Variants in KIAA1671 observed in about 807,000 individuals in gnomAD.
KIAA1671 encodes uncharacterized protein KIAA1671.
A neutral mutation model predicts 131.2 loss-of-function variants in KIAA1671; 52 were observed. That is an observed-to-expected ratio of 0.40 (90% CI 0.32 to 0.50). KIAA1671 has a LOEUF of 0.50. Ranked by LOEUF, KIAA1671 falls within the 20% of genes least tolerant of loss-of-function variation. The probability of loss-of-function intolerance (pLI) is 0.73; values close to 1 mark genes in which losing one functional copy is unlikely to be tolerated. For synonymous variants in KIAA1671, 1,003 were observed against 961.6 expected (o/e 1.04, Z -0.80); for missense variants, 2,360 against 2,364.2 (o/e 1.00, Z 0.04).
At chr22:25,026,436 AAG>A (rs1368954591) in intron 2 of KIAA1671, among the ~76,000 whole-genome samples, 1 of 152,146 alleles carries the variant, frequency 6.6e-6, no homozygotes, top group Non-Finnish European at 1.5e-5. Context: ...AATTTTTAAA[AAG>A]ACAGAGCTGA....
In KIAA1671 at chr22:25,028,198, G is replaced by A; in HGVS notation, c.199G>A (p.Ala67Thr). 1 of 1,549,800 alleles carries A rather than the reference G, an allele frequency of 6.5e-7. No individual in the cohort carries two copies. ...CCGGTTACTCCCTCTGCCAAGGCTCGCCCCCAAACCCTTCTCGAAGGAGCA... is the reference window on the plus strand; with the variant it reads ...CCGGTTACTCCCTCTGCCAAGGCTCACCCCCAAACCCTTCTCGAAGGAGCA... The part of the protein sequence containing the change: ...PARLLPLPRL[A>T]PKPFSKEQDV... The change falls in exon 3 of 13, where the codon GCC becomes ACC. Residue 67 changes from alanine (A) to threonine (T), a missense_variant. Transcript: ENST00000358431.
chr22:25,133,373 C>T (rs1403815917), intron 6 of KIAA1671, among the ~76,000 whole-genome samples: 1 of 152,202 alleles, frequency 6.6e-6, no homozygotes, highest in East Asian at 1.9e-4. Context: ...CATGTGTTGA[C>T]CACAGAATTC....
intron 11 of KIAA1671, 96 bp downstream of exon 11, chr22:25,185,215 G>A: frequency 7.9e-7 from 1 of 1,271,216 alleles, no homozygotes; most frequent in African/African-American, 1.5e-5. Flanking sequence ...GAATAGAAGA[G>A]AGTTACAACT....
At position 24,994,521 on chromosome 22, in the gene KIAA1671, G is replaced by T. The variant is rs530067497; in HGVS notation, c.-207-31112G>T. Reference sequence around the variant, plus strand: ...ATCCACTAGTGCTGAGAGGATTTGGGTGGAGTCCAACAGTGTTTGGTATGA... The same window carrying T: ...ATCCACTAGTGCTGAGAGGATTTGGTTGGAGTCCAACAGTGTTTGGTATGA... On this transcript the variant is annotated intron_variant, in intron 1 of 12. Coordinates refer to ENST00000358431, the MANE Select transcript of KIAA1671 (RefSeq NM_001145206.2). 3.3e-5 allele frequency among the ~76,000 whole-genome samples: 5 copies of T among 152,316 alleles called. No homozygotes were observed. In the East Asian group the frequency reaches 9.6e-4, roughly 29 times the overall value.
intron 1 of KIAA1671, among the ~76,000 whole-genome samples, chr22:24,985,575 A>G (rs12330060): frequency 0.077 from 11,755 of 152,062 alleles, 1,542 homozygotes; most frequent in African/African-American, 0.27. Flanking sequence ...TCCTGAGCTC[A>G]TTATCCGCCC....
chr22:25,039,821 C>G lies in KIAA1671; in HGVS notation c.2691C>G (p.Ser897=). 6.5e-7 allele frequency: 1 copy of G among 1,533,844 alleles called. No homozygotes were observed. Residue 897 remains serine, a synonymous_variant, in exon 5 of 13, where the codon TCC becomes TCG. Transcript: ENST00000358431. Reference sequence around the variant, plus strand: ...GGGCTACGAATGGGCCTTCTGACTCCCAAGCACGAACACATCCAGATGCAT... The same window carrying G: ...GGGCTACGAATGGGCCTTCTGACTCGCAAGCACGAACACATCCAGATGCAT... ...LSRATNGPSD[S]QARTHPDAFA...
In KIAA1671 at chr22:25,029,061, G is replaced by T. The variant is rs1926120873; in HGVS notation, c.1062G>T (p.Arg354=). The T allele has an allele frequency of 1.8e-5, 27 of 1,504,628 alleles. No homozygotes were observed. The South Asian group carries it at 3.6e-4, about 20-fold the overall frequency. 93.2% of individuals were successfully genotyped at this position (1,504,628 alleles called of 1,614,324 possible). A position where few individuals can be genotyped will look rare whatever the true frequency, so the allele number is the denominator to read the frequency against. ...FLEVAKKIRE[R]KEKMLSKPEM... The stretch of plus-strand genomic sequence containing the variant: ...AGGTGGCCAAGAAAATCCGTGAACG[G>T]AAGGAGAAGATGCTTTCGAAGCCGG... Residue 354 remains arginine, a synonymous_variant, in exon 3 of 13, where the codon CGG becomes CGT. Coordinates refer to ENST00000358431, the MANE Select transcript of KIAA1671 (RefSeq NM_001145206.2).
Position 25,028,065 on chromosome 22 carries a change from G to A in KIAA1671, c.66G>A (p.Met22Ile), listed in dbSNP as rs1926049017. ...CGGCCGTGCCAGGCCTGGGTGAGATGGGCAAGGAGGAGACCCTGACGAGGA... is the reference window on the plus strand; with the variant it reads ...CGGCCGTGCCAGGCCTGGGTGAGATAGGCAAGGAGGAGACCCTGACGAGGA... ...PLTAVPGLGEMGKEETLTRTY... is the reference protein window; with the variant it reads ...PLTAVPGLGEIGKEETLTRTY... The change falls in exon 3 of 13, where the codon ATG becomes ATA. Residue 22 changes from methionine (M) to isoleucine (I), a missense_variant. Physicochemically the swap from Met to Ile is conservative, Grantham distance 10. This residue lies in a region of KIAA1671 where 1,185 missense variants were observed against 1,126.2 expected (regional missense o/e 1.05). Transcript: ENST00000358431. 2.6e-6 allele frequency: 4 copies of A among 1,548,684 alleles called. No individual in the cohort carries two copies. The Admixed American group carries it at 5.9e-5, about 23-fold the overall frequency.
chr22:25,172,147 G>GA (rs1359813021), intron 7 of KIAA1671, among the ~76,000 whole-genome samples: 11 of 152,140 alleles, frequency 7.2e-5, no homozygotes, highest in African/African-American at 2.7e-4. Flanking sequence ...AAGAGCACTG[G>GA]ACTGAGAGTC....
intron 6 of KIAA1671, among the ~76,000 whole-genome samples, chr22:25,097,143 C>T (rs933408569): frequency 7.2e-5 from 11 of 152,174 alleles, no homozygotes; most frequent in African/African-American, 1.4e-4. Flanking sequence ...ACAAGTGAGA[C>T]GGCCTTATCA....
At chr22:25,151,421 C>G (rs1185713374) in intron 6 of KIAA1671, among the ~76,000 whole-genome samples, 1 of 143,078 alleles carries the variant, frequency 7.0e-6, no homozygotes, top group Non-Finnish European at 1.5e-5. Flanking sequence ...ACAACATCAA[C>G]ATGAACTCTT....
intron 1 of KIAA1671, among the ~76,000 whole-genome samples, chr22:25,018,779 A>T (rs1925486105): frequency 6.6e-6 from 1 of 152,118 alleles, no homozygotes; most frequent in South Asian, 2.1e-4. Context: ...TTGTATAAGG[A>T]TAGATTATAT....
intron 6 of KIAA1671, among the ~76,000 whole-genome samples, chr22:25,170,198 C>T (rs1487315541): frequency 1.3e-5 from 2 of 152,150 alleles, no homozygotes; most frequent in Non-Finnish European, 2.9e-5. Context: ...CAAGAGTGAG[C>T]CACCATGCCC....
rs531803553 is a variant in KIAA1671, at chr22:25,141,365, T to C, written c.4531-29455T>C. The stretch of plus-strand genomic sequence containing the variant: ...CTCCTGCCTCAGCCTCCTGAGTAGC[T>C]GGGACTACAGGCGCCTGCCACCACA... On this transcript the variant is annotated intron_variant, in intron 6 of 12. Coordinates refer to ENST00000358431, the MANE Select transcript of KIAA1671 (RefSeq NM_001145206.2). 7.2e-5 allele frequency among the ~76,000 whole-genome samples: 11 copies of C among 151,956 alleles called. No homozygotes were observed. The East Asian group carries it at 2.1e-3, about 30-fold the overall frequency.
Position 25,108,082 on chromosome 22 carries a change from T to G in KIAA1671, c.4530+58718T>G, listed in dbSNP as rs955750706. 3.3e-5 allele frequency among the ~76,000 whole-genome samples: 5 copies of G among 152,216 alleles called. No homozygotes were observed. The East Asian group carries it at 5.8e-4, about 18-fold the overall frequency. On this transcript the variant is annotated intron_variant, in intron 6 of 12. Coordinates refer to ENST00000358431, the MANE Select transcript of KIAA1671 (RefSeq NM_001145206.2). Reference sequence around the variant, plus strand: ...TATGTCATTAACTGGCAAGCCATTATTTTTTAAGACTTTTGATTTAGGGTG... The same window carrying G: ...TATGTCATTAACTGGCAAGCCATTAGTTTTTAAGACTTTTGATTTAGGGTG...
At chr22:24,988,676 C>T (rs1003807096) in intron 1 of KIAA1671, among the ~76,000 whole-genome samples, 5 of 144,416 alleles carry the variant, frequency 3.5e-5, no homozygotes, top group African/African-American at 1.3e-4. Context: ...GTGAAGATTG[C>T]TATGAGACAA....
At chr22:24,953,867 T>C (rs911942996) in intron 1 of KIAA1671, among the ~76,000 whole-genome samples, 1 of 152,184 alleles carries the variant, frequency 6.6e-6, no homozygotes, top group South Asian at 2.1e-4. Context: ...GGACTGTACC[T>C]GTTGCACAAA....
intron 6 of KIAA1671, chr22:25,059,619 G>A (rs958985426): frequency 6.6e-6 from 1 of 152,372 alleles, no homozygotes; most frequent in African/African-American, 2.4e-5. Context: ...TCCTTGGCCT[G>A]GTGGCAGGGG....
At chr22:25,095,790 G>T (rs1930365325) in intron 6 of KIAA1671, among the ~76,000 whole-genome samples, 1 of 152,124 alleles carries the variant, frequency 6.6e-6, no homozygotes, top group Non-Finnish European at 1.5e-5. Context: ...CCTTTTCATG[G>T]TTCTGTTTCC....
Sources: allele counts gnomAD v4.1 joint callset (sites outside exome capture counted in the v4.1 genomes callset), GRCh38; gene constraint gnomAD v4.1.1; regional missense constraint gnomAD v4.1.1; transcripts MANE v1.5; gene names NCBI Gene and HGNC (gene_info 2026-07-23, HGNC 2026-07-21).